NTN3: variants seen among roughly 807,000 people sequenced by gnomAD.
NTN3 encodes the protein netrin 3.
A neutral mutation model predicts 37.2 loss-of-function variants in NTN3; 44 were observed. The ratio of observed to expected loss-of-function variants is 1.18; its 90% CI spans 0.93 to 1.52. The LOEUF (loss-of-function observed/expected upper bound fraction) is 1.52, where lower values mean the gene tolerates loss of function less well. Among genes scored for constraint, NTN3 ranks in the 40% most tolerant of loss-of-function variants. The pLI is 0.00. For synonymous variants in NTN3, 385 were observed against 376.0 expected (o/e 1.02, Z -0.28); for missense variants, 882 against 857.3 (o/e 1.03, Z -0.36).
rs1567399828 is a variant in NTN3, at chr16:2,472,260, G to A, written c.559G>A (p.Gly187Ser). ...CFPAPLAQPDGSGLLAFSMQD... is the reference protein window; with the variant it reads ...CFPAPLAQPDSSGLLAFSMQD... ...CCCCGCACCCCTGGCCCAGCCTGAT[G>A]GCAGCGGCCTTCTGGCCTTCAGCAT... Residue 187 changes from glycine to serine, a missense_variant, in exon 1 of 6, where the codon GGC becomes AGC. Coordinates refer to ENST00000293973, the MANE Select transcript of NTN3 (RefSeq NM_006181.3). The A allele has an allele frequency of 6.2e-7, 1 of 1,608,436 alleles. No homozygotes were observed. The highest frequency in any genetic ancestry group is 8.5e-7 in the Non-Finnish European group (1 of 1,177,566).
chr16:2,473,524 C>T (rs931932003), intron 5 of NTN3, 21 bp downstream of exon 5: 1 of 1,606,520 alleles, frequency 6.2e-7, no homozygotes, highest in Non-Finnish European at 8.5e-7. Context: ...TCAGGCCTCC[C>T]GCGGACCTTC....
In NTN3 at chr16:2,473,929, C is replaced by T. The variant is rs2065540507; in HGVS notation, c.1567C>T (p.Arg523Cys). The change falls in exon 6 of 6, where the codon CGC becomes TGC. Residue 523 changes from arginine to cysteine, a missense_variant. Physicochemically the swap from Arg to Cys is radical, Grantham distance 180. Coordinates refer to ENST00000293973, the MANE Select transcript of NTN3 (RefSeq NM_006181.3). ...CGGCTGCCCGCGCCTGCTCCCCGGC[C>T]GCCGCTACCTCCTGCTGGGGGGCGG... ...ACGCPRLLPGRRYLLLGGGPG... is the reference protein window; with the variant it reads ...ACGCPRLLPGCRYLLLGGGPG... The T allele has an allele frequency of 3.4e-6, 4 of 1,184,760 alleles. No homozygotes were observed. The highest frequency in any genetic ancestry group is 4.6e-5 in the Admixed American group (1 of 21,928). 73.4% of individuals were successfully genotyped at this position (1,184,760 alleles called of 1,614,324 possible).
intron 3 of NTN3, 45 bp from the exon 4 acceptor site, chr16:2,473,221 ATC>A (rs2065533177): frequency 1.9e-6 from 3 of 1,607,082 alleles, no homozygotes; most frequent in Non-Finnish European, 2.6e-6. Context: ...AGCCCTGCAG[ATC>A]TCTCTGCCCC....
At chr16:2,473,546 C>T in intron 5 of NTN3, 43 bp downstream of exon 5, 1 of 1,554,442 alleles carries the variant, frequency 6.4e-7, no homozygotes, top group African/African-American at 1.4e-5. Flanking sequence ...CACCTTCCTC[C>T]TCTCCCTACC....
At chr16:2,473,212 G>C in intron 3 of NTN3, 56 bp from the exon 4 acceptor site, 1 of 1,604,104 alleles carries the variant, frequency 6.2e-7, no homozygotes, top group South Asian at 1.1e-5. Context: ...TATTCCCCGA[G>C]CCCTGCAGAT....
In NTN3 at chr16:2,473,001, G is replaced by A. The variant is rs113551249; in HGVS notation, c.1134G>A (p.Pro378=). ...TGTCCTCAGCCTGCGACTGTCACCC[G>A]GTTGGTGCTGCTGGCAAGACCTGCA... ...RRACRACDCH[P]VGAAGKTCNQ... The change falls in exon 3 of 6, where the codon CCG becomes CCA. Residue 378 remains proline (P), a synonymous_variant. Transcript: ENST00000293973. The A allele has an allele frequency of 3.5e-5, 56 of 1,604,548 alleles. No homozygotes were observed. Among genetic ancestry groups the A allele is most frequent in the Admixed American group, 8.4e-5 (5 of 59,776 alleles).
At chr16:2,473,562 T>C (rs2065536460) in intron 5 of NTN3, 59 bp downstream of exon 5, 1 of 1,519,476 alleles carries the variant, frequency 6.6e-7, no homozygotes, top group Non-Finnish European at 9.1e-7. Context: ...CTACCTTCCC[T>C]CCTCCGCCAG....
Position 2,472,902 on chromosome 16 carries a change from CG to C in NTN3, c.1117+15del. On this transcript the variant is annotated intron_variant, in intron 2 of 5. Coordinates refer to ENST00000293973, the MANE Select transcript of NTN3 (RefSeq NM_006181.3). ...CGGGCTTGCAGGGGTGAGCCACCAC[CG>C]GCCACCTGCAGGCCCTCACCCTCTG... 6.3e-7 allele frequency: 1 copy of C among 1,584,420 alleles called. No homozygotes were observed. The highest frequency in any genetic ancestry group is 8.6e-7 in the Non-Finnish European group (1 of 1,165,258).
chr16:2,473,790 G>T lies in NTN3; in HGVS notation c.1428G>T (p.Ala476=). Reference sequence around the variant, plus strand: ...TGGCGGTGGGTGCGCGCGGCGAGGCGCGCGGCGCGTGGACACGCTTCCCGG... The same window carrying T: ...TGGCGGTGGGTGCGCGCGGCGAGGCTCGCGGCGCGTGGACACGCTTCCCGG... ...VQVAVGARGE[A]RGAWTRFPVA... is the part of the protein sequence containing the mutation. Residue 476 remains alanine, a synonymous_variant, in exon 6 of 6, where the codon GCG becomes GCT. Transcript: ENST00000293973. 1 of 1,388,482 alleles carries T rather than the reference G, an allele frequency of 7.2e-7. No individual in the cohort carries two copies. The highest frequency in any genetic ancestry group is 9.2e-7 in the Non-Finnish European group (1 of 1,081,424). The allele number at this position is 1,388,482 out of a possible 1,614,324, so 86.0% of individuals were successfully genotyped here.
At position 2,471,896 on chromosome 16, in the gene NTN3, G is replaced by A; in HGVS notation, c.195G>A (p.Arg65=). ...ASSTCGRPAT[R]ACDASDPRRA... is the part of the protein sequence containing the mutation. Reference sequence around the variant, plus strand: ...GCACGTGCGGGCGGCCGGCCACTCGGGCCTGCGACGCCTCCGACCCGCGAC... The same window carrying A: ...GCACGTGCGGGCGGCCGGCCACTCGAGCCTGCGACGCCTCCGACCCGCGAC... The change falls in exon 1 of 6, where the codon CGG becomes CGA. Residue 65 remains arginine (R), a synonymous_variant. Transcript: ENST00000293973. 1 of 1,501,850 alleles carries A rather than the reference G, an allele frequency of 6.7e-7. No individual in the cohort carries two copies. The highest frequency in any genetic ancestry group is 8.9e-7 in the Non-Finnish European group (1 of 1,124,194). 93.0% of individuals were successfully genotyped at this position (1,501,850 alleles called of 1,614,324 possible).
In NTN3 at chr16:2,471,582, C is replaced by G; in HGVS notation, c.-120C>G. 2.7e-6 allele frequency: 2 copies of G among 742,560 alleles called. No individual in the cohort carries two copies. The highest frequency in any genetic ancestry group is 3.8e-6 in the Non-Finnish European group (2 of 526,776). The allele number at this position is 742,560 out of a possible 1,614,324, so 46.0% of individuals were successfully genotyped here. On this transcript the variant is annotated 5_prime_UTR_variant, in exon 1 of 6. Coordinates refer to ENST00000293973, the MANE Select transcript of NTN3 (RefSeq NM_006181.3). The stretch of plus-strand genomic sequence containing the variant: ...CCACCTCTGGGCCGGGCTGGGGCCG[C>G]CCGGGGGCCCTGTTCCTCGGCATTG...
rs887905760 is a variant in NTN3, at chr16:2,473,256, C to T, written c.1268-12C>T. On this transcript the variant is annotated splice_polypyrimidine_tract_variant and intron_variant, in intron 3 of 5. Coordinates refer to ENST00000293973, the MANE Select transcript of NTN3 (RefSeq NM_006181.3). ...CCCTCCATCGCAGGCCATTCTCCCTCCCTCTCTGCAGAGACCCCTATCCCT... is the reference window on the plus strand; with the variant it reads ...CCCTCCATCGCAGGCCATTCTCCCTTCCTCTCTGCAGAGACCCCTATCCCT... 19 of 1,612,408 alleles carry T rather than the reference C, an allele frequency of 1.2e-5. No homozygotes were observed. The African/African-American group carries it at 2.0e-4, about 17-fold the overall frequency.
In NTN3 at chr16:2,473,417, C is replaced by T; in HGVS notation, c.1319-12C>T. ...AAAGGGAGTCTGTGCCAGCCTCCCA[C>T]CTTCTACCCAGACTGTGACTCGCAC... On this transcript the variant is annotated splice_polypyrimidine_tract_variant and intron_variant, in intron 4 of 5. Transcript: ENST00000293973. 4 of 1,612,872 alleles carry T rather than the reference C, an allele frequency of 2.5e-6. No homozygotes were observed. The highest frequency in any genetic ancestry group is 2.5e-6 in the Non-Finnish European group (3 of 1,179,902).
chr16:2,471,742 C>T lies in NTN3; in HGVS notation c.41C>T (p.Thr14Met), dbSNP rs1021839125. 28 of 1,383,184 alleles carry T rather than the reference C, an allele frequency of 2.0e-5. No individual in the cohort carries two copies. Among genetic ancestry groups the T allele is most frequent in the Non-Finnish European group, 2.4e-5 (26 of 1,075,832 alleles). 85.7% of individuals were successfully genotyped at this position (1,383,184 alleles called of 1,614,324 possible). A position where few individuals can be genotyped will look rare whatever the true frequency, so the allele number is the denominator to read the frequency against. Residue 14 changes from threonine (T) to methionine (M), a missense_variant, in exon 1 of 6, where the codon ACG (threonine) becomes ATG (methionine). Transcript: ENST00000293973. ...TGGGGGCTGCTGCTGACGGCAGGCA[C>T]GCTCTTCGCCGCCCTGAGTCCTGGG... ...WPWGLLLTAG[T>M]LFAALSPGPP...
Position 2,472,748 on chromosome 16 carries a change from C to G in NTN3, c.976C>G (p.Leu326Val), listed in dbSNP as rs1224432894. The G allele has an allele frequency of 6.2e-7, 1 of 1,608,762 alleles. No homozygotes were observed. The highest frequency in any genetic ancestry group is 1.3e-5 in the African/African-American group (1 of 74,884). ...CCGCCGCTGCCGCTTCAACATGGAG[C>G]TGTACCGACTGTCCGGCCGCCGCAG... ...HARRCRFNMELYRLSGRRSGG... is the reference protein window; with the variant it reads ...HARRCRFNMEVYRLSGRRSGG... The change falls in exon 2 of 6, where the codon CTG becomes GTG. Residue 326 changes from leucine to valine, a missense_variant. Leu to Val is a conservative substitution (Grantham distance 32). Coordinates refer to ENST00000293973, the MANE Select transcript of NTN3 (RefSeq NM_006181.3).
In NTN3 at chr16:2,471,732, ACGGCAGG is replaced by A; in HGVS notation, c.33_39del (p.Ala12ArgfsTer6). 1 of 1,376,424 alleles carries A rather than the reference ACGGCAGG, an allele frequency of 7.3e-7. No homozygotes were observed. Among genetic ancestry groups the A allele is most frequent in the Non-Finnish European group, 9.3e-7 (1 of 1,071,954 alleles). The allele number at this position is 1,376,424 out of a possible 1,614,324, so 85.3% of individuals were successfully genotyped here. A position where few individuals can be genotyped will look rare whatever the true frequency, so the allele number is the denominator to read the frequency against. The stretch of plus-strand genomic sequence containing the variant: ...TGGCTGGCCCTGGGGGCTGCTGCTG[ACGGCAGG>A]CACGCTCTTCGCCGCCCTGAGTCCT... On this transcript the variant is annotated frameshift_variant, in exon 1 of 6. Transcript: ENST00000293973. LOFTEE classifies it high-confidence loss of function.
In NTN3 at chr16:2,472,174, A is replaced by G. The variant is rs770295214; in HGVS notation, c.473A>G (p.Tyr158Cys). The G allele has an allele frequency of 3.1e-6, 5 of 1,608,532 alleles. No individual in the cohort carries two copies. The highest frequency in any genetic ancestry group is 2.2e-5 in the South Asian group (2 of 91,054). ...TTCTCCTCCCACTGTGACCTGGACT[A>G]TGGCCGTCTGCCTGCCCCTGCCAAT... is the stretch of plus-strand genomic sequence containing the variant. ...GFFSSHCDLDYGRLPAPANGP... is the reference protein window; with the variant it reads ...GFFSSHCDLDCGRLPAPANGP... The change falls in exon 1 of 6, where the codon TAT becomes TGT. Residue 158 changes from tyrosine to cysteine, a missense_variant. By Grantham distance (194) the Tyr-to-Cys change is radical. Coordinates refer to ENST00000293973, the MANE Select transcript of NTN3 (RefSeq NM_006181.3).
Position 2,472,139 on chromosome 16 carries a change from G to A in NTN3, c.438G>A (p.Pro146=), listed in dbSNP as rs1218179185. 2.5e-6 allele frequency: 4 copies of A among 1,608,174 alleles called. No homozygotes were observed. Among genetic ancestry groups the A allele is most frequent in the East Asian group, 2.2e-5 (1 of 44,880 alleles). Residue 146 remains proline, a synonymous_variant, in exon 1 of 6, where the codon CCG becomes CCA. Coordinates refer to ENST00000293973, the MANE Select transcript of NTN3 (RefSeq NM_006181.3). The part of the protein sequence containing the change: ...KSQDHGRSWA[P]LGFFSSHCDL... ...AGGACCATGGCCGCAGCTGGGCCCCGCTGGGCTTCTTCTCCTCCCACTGTG... is the reference window on the plus strand; with the variant it reads ...AGGACCATGGCCGCAGCTGGGCCCCACTGGGCTTCTTCTCCTCCCACTGTG...
chr16:2,471,652 G>GGGCA lies in NTN3; in HGVS notation c.-48_-45dup. 6.4e-6 allele frequency: 8 copies of GGGCA among 1,248,858 alleles called. No homozygotes were observed. The highest frequency in any genetic ancestry group is 8.2e-6 in the Non-Finnish European group (8 of 979,222). 77.4% of individuals were successfully genotyped at this position (1,248,858 alleles called of 1,614,324 possible). On this transcript the variant is annotated 5_prime_UTR_variant, in exon 1 of 6. Coordinates refer to ENST00000293973, the MANE Select transcript of NTN3 (RefSeq NM_006181.3). ...CGCGGAGAGGGCTTCTTTTCCCCAA[G>GGGCA]GGCAGCGTCTTGGGGCCCGGCCACT...
Sources: gnomAD v4.1 joint callset for allele counts on GRCh38, gnomAD v4.1.1 for gene constraint, MANE v1.5 for transcripts, NCBI Gene and HGNC (gene_info 2026-07-23, HGNC 2026-07-21) for gene names.